Variants in C1orf94 observed in about 807,000 individuals in gnomAD.
C1orf94 encodes the protein uncharacterized protein C1orf94.
A neutral mutation model predicts 53.6 loss-of-function variants in C1orf94; 45 were observed. That is an observed-to-expected ratio of 0.84 (90% CI 0.66 to 1.08). The LOEUF (loss-of-function observed/expected upper bound fraction) is 1.08. C1orf94 is among the 50% of genes least tolerant of loss of function. The pLI, the probability that C1orf94 is intolerant of heterozygous loss-of-function variation, is 0.00. For synonymous variants in C1orf94, 304 were observed against 296.1 expected (o/e 1.03, Z -0.27); for missense variants, 762 against 738.9 (o/e 1.03, Z -0.36).
In C1orf94 at chr1:34,177,683, T is replaced by C; in HGVS notation, c.-107T>C. 2 of 666,690 alleles carry C rather than the reference T, an allele frequency of 3.0e-6. No homozygotes were observed. Among genetic ancestry groups the C allele is most frequent in the South Asian group, 2.1e-5 (1 of 47,058 alleles). The allele number at this position is 666,690 out of a possible 1,614,324, so 41.3% of individuals were successfully genotyped here. A position where few individuals can be genotyped will look rare whatever the true frequency, so the allele number is the denominator to read the frequency against. The stretch of plus-strand genomic sequence containing the variant: ...AAGAAAGCTGTCCTCCACCCACCCC[T>C]CCCACACAAATAGAAGGCCTCTGAA... On this transcript the variant is annotated 5_prime_UTR_variant, in exon 1 of 7. Transcript: ENST00000488417.
At chr1:34,190,158 A>T (rs1642459762) in intron 1 of C1orf94, among the ~76,000 whole-genome samples, 1 of 152,154 alleles carries the variant, frequency 6.6e-6, no homozygotes, top group African/African-American at 2.4e-5. Context: ...TGGTGGGGAC[A>T]AGTGCCACCT....
At chr1:34,191,806 T>C (rs187664196) in intron 1 of C1orf94, among the ~76,000 whole-genome samples, 1 of 152,170 alleles carries the variant, frequency 6.6e-6, no homozygotes, top group African/African-American at 2.4e-5. Context: ...AGAACTGCTG[T>C]TGGGGAGCTA....
intron 1 of C1orf94, among the ~76,000 whole-genome samples, chr1:34,189,207 G>A (rs890145548): frequency 8.6e-5 from 13 of 152,022 alleles, no homozygotes; most frequent in African/African-American, 2.9e-4. Context: ...GTTTGTACAT[G>A]GCTGTGGTAT....
At chr1:34,188,657 C>T (rs899817200) in intron 1 of C1orf94, among the ~76,000 whole-genome samples, 20 of 152,142 alleles carry the variant, frequency 1.3e-4, no homozygotes, top group African/African-American at 4.1e-4. Flanking sequence ...ATTTGCATAG[C>T]GCTCGTTACA....
chr1:34,209,441 G>T (rs1374914538), intron 5 of C1orf94, among the ~76,000 whole-genome samples: 2 of 149,904 alleles, frequency 1.3e-5, no homozygotes, highest in African/African-American at 4.9e-5. Context: ...TTGGGGCAGG[G>T]ATGGGGGTGT....
At chr1:34,212,537 C>T (rs1642912084) in intron 6 of C1orf94, 131 bp downstream of exon 6, 1 of 946,530 alleles carries the variant, frequency 1.1e-6, no homozygotes, top group South Asian at 1.8e-5. Flanking sequence ...GGCCCTGTAC[C>T]TGTGGCTGGT....
At chr1:34,183,470 GAC>G (rs772256085) in intron 1 of C1orf94, among the ~76,000 whole-genome samples, 21 of 152,200 alleles carry the variant, frequency 1.4e-4, no homozygotes, top group Admixed American at 7.2e-4. Flanking sequence ...GGGTCCCAGG[GAC>G]ACAGAGATAA....
chr1:34,170,573 G>A (rs1213597459), intron 1 of C1orf94, among the ~76,000 whole-genome samples: 1 of 152,020 alleles, frequency 6.6e-6, no homozygotes, highest in Non-Finnish European at 1.5e-5. Context: ...CATAATTGCT[G>A]GCTTTCTTAT....
intron 1 of C1orf94, among the ~76,000 whole-genome samples, chr1:34,194,154 T>C (rs1024674426): frequency 1.3e-5 from 2 of 152,224 alleles, no homozygotes; most frequent in Non-Finnish European, 2.9e-5. Context: ...GAGGCACATA[T>C]GGGTGCATCG....
chr1:34,192,865 G>T (rs759524477), intron 1 of C1orf94, among the ~76,000 whole-genome samples: 16 of 152,118 alleles, frequency 1.1e-4, no homozygotes, highest in Non-Finnish European at 2.1e-4. Context: ...AGCATTTCAA[G>T]GGGTAGATAA....
chr1:34,204,682 T>C (rs1416794136), intron 4 of C1orf94, among the ~76,000 whole-genome samples: 3 of 152,168 alleles, frequency 2.0e-5, no homozygotes, highest in Non-Finnish European at 4.4e-5. Context: ...TTGAAAACCA[T>C]TTCTCCCTAC....
Position 34,200,815 on chromosome 1 carries a change from C to T in C1orf94, c.1053C>T (p.Ser351=), listed in dbSNP as rs1642692070. 1 of 1,614,024 alleles carries T rather than the reference C, an allele frequency of 6.2e-7. No homozygotes were observed. The highest frequency in any genetic ancestry group is 1.1e-5 in the South Asian group (1 of 91,082). The change falls in exon 3 of 7, where the codon AGC becomes AGT. Residue 351 remains serine (S), a synonymous_variant. Coordinates refer to ENST00000488417, the MANE Select transcript of C1orf94 (RefSeq NM_001134734.2). ...GTKEPKKGQG[S]LFLSQWPQSQ... ...AGGAGCCAAAAAAGGGTCAAGGGAGCCTCTTTCTCAGCCAGTGGCCCCAGA... is the reference window on the plus strand; with the variant it reads ...AGGAGCCAAAAAAGGGTCAAGGGAGTCTCTTTCTCAGCCAGTGGCCCCAGA...
intron 1 of C1orf94, among the ~76,000 whole-genome samples, chr1:34,170,196 A>G (rs935025008): frequency 1.3e-5 from 2 of 152,184 alleles, no homozygotes; most frequent in Non-Finnish European, 2.9e-5. Context: ...TCTTTCATTC[A>G]TTTGTTCATG....
At chr1:34,170,591 T>G (rs115233720) in intron 1 of C1orf94, among the ~76,000 whole-genome samples, 1,805 of 152,226 alleles carry the variant, frequency 0.012, 10 homozygotes, top group Non-Finnish European at 0.019. Flanking sequence ...TATTTGTCCC[T>G]GCTGGTGGAT....
At chr1:34,178,897 A>G (rs1642271804) in intron 1 of C1orf94, among the ~76,000 whole-genome samples, 1 of 152,236 alleles carries the variant, frequency 6.6e-6, no homozygotes, top group Non-Finnish European at 1.5e-5. Flanking sequence ...GTGGACTGTA[A>G]ACTTAATTAA....
upstream of C1orf94, among the ~76,000 whole-genome samples, chr1:34,174,658 A>G (rs989447928): frequency 7.3e-4 from 111 of 152,350 alleles, 1 homozygote; most frequent in African/African-American, 2.5e-3. Context: ...AGTGCAAGCC[A>G]GCGAGAGAGA....
chr1:34,208,427 C>G (rs1039859247), intron 5 of C1orf94, among the ~76,000 whole-genome samples, 193 bp downstream of exon 5: 9 of 152,310 alleles, frequency 5.9e-5, no homozygotes, highest in Admixed American at 1.3e-4. Flanking sequence ...ACACTGGGCA[C>G]TTAATGGAGC....
intron 6 of C1orf94, among the ~76,000 whole-genome samples, chr1:34,213,470 G>A (rs886272913): frequency 6.6e-6 from 1 of 152,150 alleles, no homozygotes; most frequent in African/African-American, 2.4e-5. Flanking sequence ...AGGGTGCACG[G>A]AGAATGTTCA....
At chr1:34,178,757 GA>G (rs1295757276) in intron 1 of C1orf94, among the ~76,000 whole-genome samples, 1 of 151,012 alleles carries the variant, frequency 6.6e-6, no homozygotes. Context: ...AGATATTGTT[GA>G]GGATGGATAT....
Sources: allele counts gnomAD v4.1 joint callset (sites outside exome capture counted in the v4.1 genomes callset), GRCh38; gene constraint gnomAD v4.1.1; transcripts MANE v1.5; gene names NCBI Gene and HGNC (gene_info 2026-07-23, HGNC 2026-07-21).